The following ADAMTSL3 variants were observed in gnomAD, a reference collection of about 807,000 sequenced individuals.
ADAMTSL3 encodes ADAMTS-like protein 3.
Under a neutral mutation model 201.7 loss-of-function variants are expected in ADAMTSL3, and 128 were observed. The ratio of observed to expected loss-of-function variants is 0.63; its 90% confidence interval spans 0.55 to 0.73. The LOEUF is 0.73. Ranked by LOEUF, ADAMTSL3 falls within the 30% of genes least tolerant of loss-of-function variation. ADAMTSL3 has a pLI of 0.00. For missense variants in ADAMTSL3, 1,990 were observed against 2,119.6 expected (o/e 0.94, Z 1.20); for synonymous variants, 738 against 748.4 (o/e 0.99, Z 0.23).
At chr15:83,818,647 C>G (rs112813657) in intron 5 of ADAMTSL3, among the ~76,000 whole-genome samples, 1 of 152,128 alleles carries the variant, frequency 6.6e-6, no homozygotes, top group Non-Finnish European at 1.5e-5. Flanking sequence ...TTTTTTCTAC[C>G]TGTTGTCTTT....
At chr15:83,741,682 A>G (rs1415392239) in intron 3 of ADAMTSL3, among the ~76,000 whole-genome samples, 1 of 152,218 alleles carries the variant, frequency 6.6e-6, no homozygotes, top group Non-Finnish European at 1.5e-5. Context: ...ATAAGGTGAG[A>G]TCAGCAAGGT....
intron 22 of ADAMTSL3, 118 bp from the exon 23 acceptor site, chr15:83,990,968 A>C: frequency 7.0e-7 from 1 of 1,436,540 alleles, no homozygotes; most frequent in Non-Finnish European, 9.5e-7. Flanking sequence ...GGATACAGAG[A>C]GAACCAGGAC....
At chr15:83,843,298 TC>T (rs1386616316) in intron 7 of ADAMTSL3, among the ~76,000 whole-genome samples, 2 of 151,950 alleles carry the variant, frequency 1.3e-5, no homozygotes, top group African/African-American at 4.8e-5. Flanking sequence ...AGGGCACAGA[TC>T]CTTCAGTGCA....
At chr15:83,751,456 C>A (rs2062635368) in intron 3 of ADAMTSL3, among the ~76,000 whole-genome samples, 1 of 152,036 alleles carries the variant, frequency 6.6e-6, no homozygotes, top group South Asian at 2.1e-4. Flanking sequence ...TGCTCTGGGT[C>A]AATAATATTT....
chr15:83,736,608 G>A (rs1181674411), intron 3 of ADAMTSL3, among the ~76,000 whole-genome samples: 1 of 152,204 alleles, frequency 6.6e-6, no homozygotes, highest in Non-Finnish European at 1.5e-5. Context: ...AAGTCCCAAG[G>A]ACTGAATCAG....
chr15:83,830,671 A>T (rs1210344127), intron 6 of ADAMTSL3, among the ~76,000 whole-genome samples: 1 of 152,186 alleles, frequency 6.6e-6, no homozygotes, highest in Non-Finnish European at 1.5e-5. Context: ...GGCTTAAAAC[A>T]ACAGAAGTTT....
chr15:83,734,821 A>T (rs2062343140), intron 3 of ADAMTSL3, among the ~76,000 whole-genome samples: 2 of 152,092 alleles, frequency 1.3e-5, no homozygotes. Context: ...CGATGGTGGA[A>T]GCATATATTC....
At chr15:83,951,745 T>C (rs2066763273) in intron 19 of ADAMTSL3, among the ~76,000 whole-genome samples, 1 of 152,168 alleles carries the variant, frequency 6.6e-6, no homozygotes, top group African/African-American at 2.4e-5. Context: ...CTGGGTAGGT[T>C]GTATGTGTCT....
intron 27 of ADAMTSL3, among the ~76,000 whole-genome samples, chr15:84,027,714 A>C (rs1020006762): frequency 2.0e-5 from 3 of 152,166 alleles, no homozygotes; most frequent in Non-Finnish European, 4.4e-5. Flanking sequence ...TGTCTCAAAA[A>C]AAAAGAAAAA....
At chr15:83,756,599 G>C (rs1207710009) in intron 3 of ADAMTSL3, among the ~76,000 whole-genome samples, 68 of 142,730 alleles carry the variant, frequency 4.8e-4, no homozygotes, top group Non-Finnish European at 7.1e-4. Context: ...TTTCACCCCT[G>C]CCCCCCCCCC....
At chr15:83,782,991 T>C (rs1442791099) in intron 4 of ADAMTSL3, among the ~76,000 whole-genome samples, 4 of 147,936 alleles carry the variant, frequency 2.7e-5, no homozygotes, top group Admixed American at 1.4e-4. Context: ...ACATATTATA[T>C]ATACACATAT....
intron 5 of ADAMTSL3, among the ~76,000 whole-genome samples, chr15:83,807,674 T>C (rs2063622380): frequency 6.6e-6 from 1 of 152,136 alleles, no homozygotes; most frequent in South Asian, 2.1e-4. Context: ...CAAAGCAATC[T>C]TGATTAAAAA....
chr15:84,007,253 G>A (rs778419574), intron 23 of ADAMTSL3, among the ~76,000 whole-genome samples: 6 of 152,136 alleles, frequency 3.9e-5, no homozygotes, highest in Non-Finnish European at 2.9e-5. Context: ...CCATGGTCAC[G>A]TGGAACAGAG....
At chr15:83,920,773 G>A (rs946367569) in intron 16 of ADAMTSL3, among the ~76,000 whole-genome samples, 3 of 152,020 alleles carry the variant, frequency 2.0e-5, no homozygotes, top group Non-Finnish European at 4.4e-5. Flanking sequence ...AGATGAACTG[G>A]CATTTTCTAT....
At chr15:83,793,459 G>GTGT (rs57822593) in intron 4 of ADAMTSL3, among the ~76,000 whole-genome samples, 23,591 of 150,552 alleles carry the variant, frequency 0.16, 2,050 homozygotes, top group Non-Finnish European at 0.2. Context: ...ATCTGTTGGT[G>GTGT]TGTTGTTGTT....
chr15:83,916,498 A>G (rs1257840671), intron 16 of ADAMTSL3, among the ~76,000 whole-genome samples: 2 of 152,204 alleles, frequency 1.3e-5, no homozygotes, highest in African/African-American at 4.8e-5. Flanking sequence ...ACAAAAAGTA[A>G]TATTTTTAAT....
intron 25 of ADAMTSL3, among the ~76,000 whole-genome samples, chr15:84,017,204 G>A (rs555010619): frequency 1.3e-5 from 2 of 152,148 alleles, no homozygotes; most frequent in South Asian, 2.1e-4. Context: ...TGCAAGCTCC[G>A]CCTCCCAGGT....
At chr15:83,730,605 G>A (rs1385316336) in intron 3 of ADAMTSL3, among the ~76,000 whole-genome samples, 3 of 144,652 alleles carry the variant, frequency 2.1e-5, no homozygotes, top group African/African-American at 8.1e-5. Context: ...TAATGGTTAG[G>A]AGCATTTAGA....
At position 83,913,355 on chromosome 15, in the gene ADAMTSL3, C is replaced by G; in HGVS notation, c.1964C>G (p.Pro655Arg). 2 of 1,613,524 alleles carry G rather than the reference C, an allele frequency of 1.2e-6. No individual in the cohort carries two copies. Among genetic ancestry groups the G allele is most frequent in the Non-Finnish European group, 1.7e-6 (2 of 1,180,002 alleles). The change falls in exon 16 of 30, where the codon CCT becomes CGT. Residue 655 changes from proline to arginine, a missense_variant. Physicochemically the swap from Pro to Arg is moderately radical, Grantham distance 103 (BLOSUM62 -2). Coordinates refer to ENST00000286744, the MANE Select transcript of ADAMTSL3 (RefSeq NM_207517.3). ...GACTGGGAGTACGCTGGGTTCACCC[C>G]TTGCACAGCAACATGCGTGGGAGGT... is the stretch of plus-strand genomic sequence containing the variant. ...TYDWEYAGFT[P>R]CTATCVGGHQ...
Sources: gnomAD v4.1 joint callset for allele counts (sites outside exome capture counted in the v4.1 genomes callset) on GRCh38, gnomAD v4.1.1 for gene constraint, MANE v1.5 for transcripts, NCBI Gene and HGNC (gene_info 2026-07-23, HGNC 2026-07-21) for gene names.